The following CFAP20DC variants were observed in gnomAD, a reference collection of about 807,000 sequenced individuals.
CFAP20DC encodes protein CFAP20DC.
Under a neutral mutation model 101.7 loss-of-function variants are expected in CFAP20DC, and 84 were observed. The ratio of observed to expected loss-of-function variants is 0.83; its 90% CI spans 0.69 to 0.99. CFAP20DC has a LOEUF of 0.99. Among genes scored for constraint, CFAP20DC ranks in the 50% least tolerant of loss-of-function variants. The pLI, the probability that CFAP20DC is intolerant of heterozygous loss-of-function variation, is 0.00. For missense variants in CFAP20DC, 1,007 were observed against 970.3 expected, an observed-to-expected ratio of 1.04 and a Z score of -0.50; for synonymous variants, 359 against 351.2, an observed-to-expected ratio of 1.02 and a Z score of -0.25.
chr3:58,976,586 T>G (rs1020148331), intron 4 of CFAP20DC, among the ~76,000 whole-genome samples: 7 of 152,198 alleles, frequency 4.6e-5, no homozygotes, highest in African/African-American at 1.7e-4. Context: ...AGCAAGTCAT[T>G]GTCAAAGCAT....
chr3:58,807,842 G>C (rs938917204), intron 14 of CFAP20DC, among the ~76,000 whole-genome samples: 4 of 152,102 alleles, frequency 2.6e-5, no homozygotes, highest in Admixed American at 2.0e-4. Context: ...TGTATAACTA[G>C]AATAACCAAT....
At chr3:58,983,423 G>A (rs2092648351) in intron 4 of CFAP20DC, among the ~76,000 whole-genome samples, 1 of 151,992 alleles carries the variant, frequency 6.6e-6, no homozygotes, top group African/African-American at 2.4e-5. Context: ...AACAAAACAT[G>A]TTTTTTTAAA....
chr3:59,023,744 T>C (rs1330884962), intron 4 of CFAP20DC, among the ~76,000 whole-genome samples: 1 of 152,078 alleles, frequency 6.6e-6, no homozygotes, highest in Non-Finnish European at 1.5e-5. Context: ...TACTGATCAT[T>C]TAAAAAGTAA....
chr3:59,006,966 G>A lies in CFAP20DC; in HGVS notation c.278+32591C>T, dbSNP rs923333411. 6.6e-6 allele frequency among the ~76,000 whole-genome samples: 1 copy of A among 152,188 alleles called. No homozygotes were observed. The highest frequency in any genetic ancestry group is 1.5e-5 in the Non-Finnish European group (1 of 68,038). ...CCTGGGGCAGGTCTGAGTTTTGTGA[G>A]CAGGCTAACTGGAGCTAAACTCAGT... On this transcript the variant is annotated intron_variant, in intron 4 of 16. Coordinates refer to ENST00000482387, the MANE Select transcript of CFAP20DC (RefSeq NM_001394063.1). The surrounding 1 kb of genome is among the most constrained non-coding windows in gnomAD (Gnocchi z 4.3).
chr3:59,046,415 A>G (rs908007987), intron 2 of CFAP20DC, 93 bp from the exon 3 acceptor site: 1 of 787,010 alleles, frequency 1.3e-6, no homozygotes, highest in Non-Finnish European at 2.0e-6. Context: ...GGAAAAAAAA[A>G]TCCCATATTC....
intron 4 of CFAP20DC, among the ~76,000 whole-genome samples, chr3:59,026,566 G>A (rs538192262): frequency 8.8e-4 from 134 of 152,278 alleles, no homozygotes; most frequent in African/African-American, 3.1e-3. Flanking sequence ...TAATGTCATC[G>A]TGACCTAAAG....
chr3:58,720,042 C>T (rs188846131), intron 3 of CFAP20DC, among the ~76,000 whole-genome samples: 3 of 152,330 alleles, frequency 2.0e-5, no homozygotes, highest in Non-Finnish European at 4.4e-5. Flanking sequence ...AGGTAGAGGC[C>T]ACCTTCCCTG....
intron 7 of CFAP20DC, among the ~76,000 whole-genome samples, chr3:58,872,497 T>C (rs2080315062): frequency 6.6e-6 from 1 of 152,156 alleles, no homozygotes; most frequent in Non-Finnish European, 1.5e-5. Flanking sequence ...TCTGTTTTTG[T>C]GTTTGTAATA....
At chr3:58,995,461 A>C (rs1204845789) in intron 4 of CFAP20DC, among the ~76,000 whole-genome samples, 3 of 152,096 alleles carry the variant, frequency 2.0e-5, no homozygotes, top group Non-Finnish European at 4.4e-5. Context: ...TAGTCTAAGT[A>C]ATTAATTTTG....
intron 4 of CFAP20DC, among the ~76,000 whole-genome samples, chr3:58,947,420 A>G (rs1251866036): frequency 2.0e-5 from 3 of 152,176 alleles, no homozygotes; most frequent in Non-Finnish European, 2.9e-5. Flanking sequence ...TCCCCGAAAA[A>G]TGCCACATAA....
At chr3:58,827,021 TATG>T (rs1394536863) in intron 14 of CFAP20DC, among the ~76,000 whole-genome samples, 8 of 152,178 alleles carry the variant, frequency 5.3e-5, no homozygotes, top group African/African-American at 1.7e-4. Flanking sequence ...AACTACTCTG[TATG>T]ATACTATAAT....
intron 4 of CFAP20DC, among the ~76,000 whole-genome samples, chr3:58,979,668 T>C (rs780304632): frequency 6.6e-6 from 1 of 152,190 alleles, no homozygotes; most frequent in Non-Finnish European, 1.5e-5. Flanking sequence ...CTTTAGGCGC[T>C]TGTCAAAAAT....
intron 4 of CFAP20DC, 23 bp from the exon 5 acceptor site, chr3:58,937,785 A>C: frequency 7.8e-7 from 1 of 1,284,788 alleles, no homozygotes; most frequent in Non-Finnish European, 1.1e-6. Flanking sequence ...AGGAGAGAAG[A>C]CAGAAAGATT....
intron 4 of CFAP20DC, among the ~76,000 whole-genome samples, chr3:59,029,305 A>G (rs917741738): frequency 6.6e-6 from 1 of 152,218 alleles, no homozygotes. Flanking sequence ...AATTAAATAA[A>G]CATATAATAA....
intron 15 of CFAP20DC, among the ~76,000 whole-genome samples, chr3:58,800,197 T>C (rs148957411): frequency 8.5e-4 from 130 of 152,300 alleles, no homozygotes; most frequent in African/African-American, 2.9e-3. Flanking sequence ...GTATACCACT[T>C]GGTTGCTAAG....
At position 58,938,704 on chromosome 3, in the gene CFAP20DC, T is replaced by TC. The variant is rs369138768; in HGVS notation, c.279-943dup. On this transcript the variant is annotated intron_variant, in intron 4 of 16. Coordinates refer to ENST00000482387, the MANE Select transcript of CFAP20DC (RefSeq NM_001394063.1). Reference sequence around the variant, plus strand: ...ATTGTCTTTTCTACAGCACTTCCGTTCCCCCTCCTTCCCACTTTTCTAATC... The same window carrying TC: ...ATTGTCTTTTCTACAGCACTTCCGTTCCCCCCTCCTTCCCACTTTTCTAATC... Among the ~76,000 whole-genome samples the TC allele has an allele frequency of 6.0e-3, 912 of 152,068 alleles. 7 individuals are homozygous for TC. Among genetic ancestry groups the TC allele is most frequent in the Admixed American group, 0.016 (238 of 15,264 alleles).
At chr3:58,893,568 T>C (rs2082424966) in intron 6 of CFAP20DC, among the ~76,000 whole-genome samples, 1 of 152,236 alleles carries the variant, frequency 6.6e-6, no homozygotes, top group Admixed American at 6.5e-5. Flanking sequence ...TTTGCATCAA[T>C]GTTCATCAAG....
rs554277868 is a variant in CFAP20DC, at chr3:58,869,946, G to A, written c.852+227C>T. ...AACATATTTAATGAAAAGAATACTC[G>A]AAAATGTTAATTATGTTGATATGAC... On this transcript the variant is annotated intron_variant, in intron 8 of 16. Coordinates refer to ENST00000482387, the MANE Select transcript of CFAP20DC (RefSeq NM_001394063.1). The surrounding 1 kb of genome is among the most constrained non-coding windows in gnomAD (Gnocchi z 4.3). 1.1e-4 allele frequency among the ~76,000 whole-genome samples: 16 copies of A among 152,272 alleles called. No homozygotes were observed. The highest frequency in any genetic ancestry group is 2.9e-4 in the African/African-American group (12 of 41,560).
At chr3:59,033,824 C>T (rs2094042855) in intron 4 of CFAP20DC, among the ~76,000 whole-genome samples, 1 of 152,134 alleles carries the variant, frequency 6.6e-6, no homozygotes, top group Admixed American at 6.6e-5. Flanking sequence ...GACAGGCCAA[C>T]ATTCAAATTC....
Sources: allele counts gnomAD v4.1 joint callset (sites outside exome capture counted in the v4.1 genomes callset), GRCh38; gene constraint gnomAD v4.1.1; non-coding constraint Gnocchi (gnomAD v3.1); transcripts MANE v1.5; gene names NCBI Gene and HGNC (gene_info 2026-07-23, HGNC 2026-07-21).